Variants in GNB5 observed in about 807,000 individuals in gnomAD.
GNB5 encodes the protein G protein subunit beta 5.
A neutral mutation model predicts 55.3 loss-of-function variants in GNB5; 37 were observed. The ratio of observed to expected loss-of-function variants is 0.67; its 90% CI spans 0.51 to 0.88. GNB5 has a LOEUF of 0.88. Ranked by LOEUF, GNB5 falls within the 40% of genes least tolerant of loss-of-function variation. GNB5 has a pLI of 0.00. For synonymous variants in GNB5, 219 were observed against 198.5 expected, an observed-to-expected ratio of 1.10 and a Z score of -0.87; for missense variants, 476 against 515.3, an observed-to-expected ratio of 0.92 and a Z score of 0.74.
chr15:52,174,995 C>T (rs2034623562), intron 3 of GNB5, among the ~76,000 whole-genome samples: 1 of 152,114 alleles, frequency 6.6e-6, no homozygotes, highest in African/African-American at 2.4e-5. Context: ...ATTGCTTGAA[C>T]CTGGAATGCG....
intron 10 of GNB5, 174 bp from the exon 11 acceptor site, chr15:52,126,218 A>G: frequency 1.8e-6 from 1 of 552,546 alleles, no homozygotes; most frequent in Non-Finnish European, 3.2e-6. Context: ...GTTAATTTCT[A>G]TGAGTCAGTA....
rs773916157 is a variant in GNB5, at chr15:52,124,543, C to T, written c.1106G>A (p.Arg369His). ...RVSILFGHEN[R>H]VSTLRVSPDG... is the part of the protein sequence containing the mutation. ...GGGGGAAACTCGTAGAGTGCTAACG[C>T]GGTTTTCATGTCCAAACAGGATGGA... is the stretch of plus-strand genomic sequence containing the variant. The change falls in exon 12 of 13, where the codon CGC (arginine) becomes CAC (histidine). Residue 369 changes from arginine to histidine, a missense_variant. Transcript: ENST00000261837. 20 of 1,613,592 alleles carry T rather than the reference C, an allele frequency of 1.2e-5. No homozygotes were observed. Among genetic ancestry groups the T allele is most frequent in the South Asian group, 3.3e-5 (3 of 91,076 alleles).
In GNB5 at chr15:52,130,309, T is replaced by C. The variant is rs2141187822; in HGVS notation, c.864-2065A>G. Among the ~76,000 whole-genome samples, 2 of 152,308 alleles carry C rather than the reference T, an allele frequency of 1.3e-5. 1 individual carries two copies. The highest frequency in any genetic ancestry group is 4.1e-4 in the South Asian group (2 of 4,824). On this transcript the variant is annotated intron_variant, in intron 9 of 12. Coordinates refer to ENST00000261837, the MANE Select transcript of GNB5 (RefSeq NM_016194.4). ...GTATAACCTCAGCCTTGGGTGGACA[T>C]GGTAGCCAGTGTTCGCCCTGGAAGA... is the stretch of plus-strand genomic sequence containing the variant.
At chr15:52,183,212 C>T (rs1447300732) in intron 2 of GNB5, among the ~76,000 whole-genome samples, 1 of 152,018 alleles carries the variant, frequency 6.6e-6, no homozygotes, top group Non-Finnish European at 1.5e-5. Context: ...TATCTCCAGG[C>T]ATGGCCCCTG....
chr15:52,163,598 G>T (rs1013803772), intron 3 of GNB5, among the ~76,000 whole-genome samples: 24 of 152,190 alleles, frequency 1.6e-4, no homozygotes, highest in Non-Finnish European at 1.5e-5. Context: ...TCCCCACAGC[G>T]CAGCACAGCT....
At chr15:52,135,227 C>T (rs1047394303) in intron 8 of GNB5, among the ~76,000 whole-genome samples, 1 of 152,114 alleles carries the variant, frequency 6.6e-6, no homozygotes, top group African/African-American at 2.4e-5. Flanking sequence ...CTGCCATGCC[C>T]TTGTGCGCAT....
intron 6 of GNB5, among the ~76,000 whole-genome samples, chr15:52,146,817 A>C (rs1366591830): frequency 6.6e-6 from 1 of 150,716 alleles, no homozygotes; most frequent in African/African-American, 2.5e-5. Context: ...TCCTGGGCTC[A>C]AGTGATCCTC....
At chr15:52,154,993 G>T (rs1288530834) in intron 3 of GNB5, among the ~76,000 whole-genome samples, 2 of 152,214 alleles carry the variant, frequency 1.3e-5, no homozygotes, top group Middle Eastern at 3.2e-3. Flanking sequence ...TGTAGGAAGT[G>T]GCTGGAAAGC....
At chr15:52,122,915 C>T in intron 12 of GNB5, 147 bp from the exon 13 acceptor site, 2 of 677,246 alleles carry the variant, frequency 3.0e-6, no homozygotes, top group Non-Finnish European at 2.7e-6. Flanking sequence ...CAAACATACA[C>T]ACTCCATCCA....
At position 52,135,852 on chromosome 15, in the gene GNB5, AACACACACACAC is replaced by A. The variant is rs57732678; in HGVS notation, c.628-108_628-97del. 2.1e-4 allele frequency: 117 copies of A among 552,490 alleles called. No homozygotes were observed. In the East Asian group the frequency reaches 3.0e-3, roughly 14 times the overall value. 34.2% of individuals were successfully genotyped at this position (552,490 alleles called of 1,614,324 possible). ...CTTAACGTTCCGCAGGGAAAAGCAG[AACACACACACAC>A]ACACACACACACACACACACACACA... is the stretch of plus-strand genomic sequence containing the variant. On this transcript the variant is annotated intron_variant, in intron 7 of 12. Coordinates refer to ENST00000261837, the MANE Select transcript of GNB5 (RefSeq NM_016194.4).
At chr15:52,143,620 T>A (rs1384486386) in intron 6 of GNB5, among the ~76,000 whole-genome samples, 1 of 152,182 alleles carries the variant, frequency 6.6e-6, no homozygotes, top group Non-Finnish European at 1.5e-5. Flanking sequence ...GCTTTCAAGT[T>A]TGGAAACAAC....
At chr15:52,188,083 T>TA (rs1954836510) in intron 1 of GNB5, among the ~76,000 whole-genome samples, 2 of 152,224 alleles carry the variant, frequency 1.3e-5, no homozygotes, top group Admixed American at 1.3e-4. Context: ...TCTAGTATCT[T>TA]TATAAGTATA....
At chr15:52,159,479 T>C (rs1017834295) in intron 3 of GNB5, among the ~76,000 whole-genome samples, 2 of 152,166 alleles carry the variant, frequency 1.3e-5, no homozygotes, top group South Asian at 4.1e-4. Context: ...CTCCTTCCCA[T>C]GTCCAGGGAG....
chr15:52,144,313 C>A (rs759223159), intron 6 of GNB5: 1 of 152,192 alleles, frequency 6.6e-6, no homozygotes, highest in Non-Finnish European at 1.5e-5. Context: ...AAGGGCCTAC[C>A]CAATATATTC....
chr15:52,164,308 TAAAAAAAAAAA>T (rs56029917), intron 3 of GNB5, among the ~76,000 whole-genome samples: 29 of 50,430 alleles, frequency 5.8e-4, no homozygotes, highest in African/African-American at 1.7e-3. Context: ...GACTCTGTCT[TAAAAAAAAAAA>T]AAAAAAAAAA....
At chr15:52,180,928 G>A (rs1296594375) in intron 2 of GNB5, 1 of 152,276 alleles carries the variant, frequency 6.6e-6, no homozygotes, top group Non-Finnish European at 1.5e-5. Flanking sequence ...CCAAGAAAGA[G>A]GGAGAGACAG....
At chr15:52,136,981 A>G (rs1476135015) in intron 7 of GNB5, 2 of 453,742 alleles carry the variant, frequency 4.4e-6, no homozygotes, top group Non-Finnish European at 8.8e-6. Flanking sequence ...ACAACTTACC[A>G]AGATTAACAG....
chr15:52,159,294 G>A (rs1009963283), intron 3 of GNB5, among the ~76,000 whole-genome samples: 5 of 152,230 alleles, frequency 3.3e-5, no homozygotes, highest in Middle Eastern at 6.8e-3. Flanking sequence ...TGGCTGCAGC[G>A]TTGGAGGACA....
intron 2 of GNB5, among the ~76,000 whole-genome samples, 191 bp downstream of exon 2, chr15:52,184,360 T>C (rs925338319): frequency 6.6e-6 from 1 of 152,136 alleles, no homozygotes; most frequent in Non-Finnish European, 1.5e-5. Flanking sequence ...GGAACATCAA[T>C]AGGATTTGGA....
Sources: gnomAD v4.1 joint callset for allele counts (sites outside exome capture counted in the v4.1 genomes callset) on GRCh38, gnomAD v4.1.1 for gene constraint, MANE v1.5 for transcripts, NCBI Gene and HGNC (gene_info 2026-07-23, HGNC 2026-07-21) for gene names.